The following PTPN3 variants were observed in gnomAD, a reference collection of about 807,000 sequenced individuals.
The protein encoded by PTPN3 is tyrosine-protein phosphatase non-receptor type 3.
PTPN3 carries 96 observed loss-of-function variants against 132.7 expected under a neutral mutation model. The observed-to-expected ratio is 0.72, with a 90% CI of 0.61 to 0.86. The LOEUF is 0.86. Ranked by LOEUF, PTPN3 falls within the 40% of genes least tolerant of loss-of-function variation. The pLI, the probability that PTPN3 is intolerant of heterozygous loss-of-function variation, is 0.00. For synonymous variants in PTPN3, 398 were observed against 429.0 expected (o/e 0.93, Z 0.89); for missense variants, 1,125 against 1,159.6 (o/e 0.97, Z 0.43).
At chr9:109,461,358 G>A (rs1481547854) in intron 2 of PTPN3, among the ~76,000 whole-genome samples, 3 of 152,126 alleles carry the variant, frequency 2.0e-5, no homozygotes, top group South Asian at 2.1e-4. Context: ...AACACACATC[G>A]TAGGAGCTTC....
At chr9:109,428,380 T>C (rs183710195) in intron 11 of PTPN3, among the ~76,000 whole-genome samples, 1 of 152,346 alleles carries the variant, frequency 6.6e-6, no homozygotes, top group East Asian at 1.9e-4. Context: ...CACAATGGCA[T>C]GCTCTTTCTT....
chr9:109,417,603 G>A, intron 14 of PTPN3: 1 of 984,950 alleles, frequency 1.0e-6, no homozygotes, highest in South Asian at 4.7e-5. Flanking sequence ...AGCAATGGGG[G>A]TTCCCAGACC....
At chr9:109,533,952 C>CTAT in the PTPN3 span, 1 of 757,158 alleles carries the variant, frequency 1.3e-6, no homozygotes, top group Non-Finnish European at 2.4e-6. Context: ...CCACCAGGAC[C>CTAT]TATAACATGT....
At chr9:109,521,020 C>A in the PTPN3 span, among the ~76,000 whole-genome samples, 1 of 152,152 alleles carries the variant, frequency 6.6e-6, no homozygotes, top group Non-Finnish European at 1.5e-5. Flanking sequence ...TAGTCTCTCT[C>A]TGCCCTGTAG....
At chr9:109,501,155 A>T (rs1444742237), upstream of PTPN3, among the ~76,000 whole-genome samples, 1 of 152,226 alleles carries the variant, frequency 6.6e-6, no homozygotes, top group Non-Finnish European at 1.5e-5. Context: ...ATCCAGTTAC[A>T]GTAACTGCTA....
chr9:109,430,779 C>G (rs1843609024), intron 10 of PTPN3, among the ~76,000 whole-genome samples: 1 of 152,186 alleles, frequency 6.6e-6, no homozygotes, highest in Non-Finnish European at 1.5e-5. Context: ...CTCCTATGGC[C>G]CGTGAAGCCC....
At chr9:109,440,127 T>G (rs1389967971) in intron 7 of PTPN3, among the ~76,000 whole-genome samples, 1 of 152,022 alleles carries the variant, frequency 6.6e-6, no homozygotes, top group East Asian at 1.9e-4. Flanking sequence ...GCTCAGAAAT[T>G]TGGGTGCTCA....
chr9:109,429,097 G>A (rs2131885811), intron 10 of PTPN3: 1 of 962,960 alleles, frequency 1.0e-6, no homozygotes, highest in African/African-American at 1.8e-5. Flanking sequence ...GTGTCAAGTA[G>A]CCTACTTAAC....
intron 16 of PTPN3, among the ~76,000 whole-genome samples, chr9:109,409,565 G>A (rs1223576762): frequency 2.0e-5 from 3 of 152,068 alleles, no homozygotes; most frequent in African/African-American, 2.4e-5. Context: ...GGTGGTTCAC[G>A]CCTGTAATCC....
At chr9:109,436,789 GA>G in intron 9 of PTPN3, 93 bp downstream of exon 9, 1 of 1,484,394 alleles carries the variant, frequency 6.7e-7, no homozygotes. Context: ...CTGTTATAAT[GA>G]AAAAGAAATA....
intron 4 of PTPN3, among the ~76,000 whole-genome samples, chr9:109,455,883 C>A (rs1845535044): frequency 1.3e-5 from 2 of 152,214 alleles, no homozygotes; most frequent in South Asian, 4.1e-4. Flanking sequence ...AGTCTGAGCT[C>A]AGGATACGTT....
chr9:109,393,159 C>A (rs920317134), intron 19 of PTPN3, among the ~76,000 whole-genome samples: 3 of 152,170 alleles, frequency 2.0e-5, no homozygotes, highest in Non-Finnish European at 4.4e-5. Flanking sequence ...AATAACTACC[C>A]TAATTTTCAA....
intron 1 of PTPN3, among the ~76,000 whole-genome samples, chr9:109,495,858 A>G (rs982715487): frequency 3.3e-5 from 5 of 152,170 alleles, no homozygotes; most frequent in African/African-American, 1.2e-4. Flanking sequence ...CTTCCATGGT[A>G]ACTTGGGCTT....
chr9:109,530,133 T>C, the PTPN3 span, among the ~76,000 whole-genome samples: 1 of 152,326 alleles, frequency 6.6e-6, no homozygotes, highest in East Asian at 1.9e-4. Context: ...CCAATGGCAT[T>C]GAGTTCATTC....
the PTPN3 span, chr9:109,534,213 C>T: frequency 1.6e-3 from 2,165 of 1,325,444 alleles, 21 homozygotes; most frequent in African/African-American, 0.027. Context: ...TGAAGCCTCC[C>T]GGGCCACCGT....
upstream of PTPN3, among the ~76,000 whole-genome samples, chr9:109,500,549 T>A (rs896316861): frequency 6.6e-6 from 1 of 151,758 alleles, no homozygotes; most frequent in Admixed American, 6.6e-5. Context: ...GGTATATTAG[T>A]TGAAATAATA....
chr9:109,430,320 C>A (rs895312291), intron 10 of PTPN3, among the ~76,000 whole-genome samples: 2 of 152,130 alleles, frequency 1.3e-5, no homozygotes, highest in Non-Finnish European at 2.9e-5. Flanking sequence ...ACCTCTTACT[C>A]CCCCCACCCC....
intron 1 of PTPN3, among the ~76,000 whole-genome samples, chr9:109,478,396 T>A (rs1846792902): frequency 6.6e-6 from 1 of 152,220 alleles, no homozygotes; most frequent in African/African-American, 2.4e-5. Context: ...TCTACGATAT[T>A]CCACCACGTG....
the PTPN3 span, among the ~76,000 whole-genome samples, chr9:109,520,985 C>T: frequency 2.2e-4 from 34 of 152,184 alleles, no homozygotes; most frequent in Non-Finnish European, 3.1e-4. Context: ...TTTTTAAGCA[C>T]GAGGCCTGGC....
Sources: allele counts gnomAD v4.1 joint callset (sites outside exome capture counted in the v4.1 genomes callset), GRCh38; gene constraint gnomAD v4.1.1; transcripts MANE v1.5; gene names NCBI Gene and HGNC (gene_info 2026-07-23, HGNC 2026-07-21).